NYAP2: variants seen among roughly 807,000 people sequenced by gnomAD.
NYAP2 encodes the protein neuronal tyrosine-phosphorylated phosphoinositide-3-kinase adaptor 2.
In NYAP2, 23 loss-of-function variants were observed where a neutral mutation model predicts 50.4. That is an observed-to-expected ratio of 0.46 (90% CI 0.33 to 0.65). The LOEUF (loss-of-function observed/expected upper bound fraction) is 0.65. Ranked by LOEUF, NYAP2 falls within the 30% of genes least tolerant of loss-of-function variation. The pLI is 0.02. For synonymous variants in NYAP2, 394 were observed against 365.2 expected, an observed-to-expected ratio of 1.08 and a Z score of -0.90; for missense variants, 885 against 861.0, an observed-to-expected ratio of 1.03 and a Z score of -0.35.
chr2:225,398,405 T>C (rs1175276764), upstream of NYAP2, among the ~76,000 whole-genome samples: 3 of 152,052 alleles, frequency 2.0e-5, no homozygotes, highest in East Asian at 5.8e-4. Flanking sequence ...ATAAAGTGTT[T>C]CCGTTTTCTA....
At chr2:225,555,198 G>A (rs1691756086) in intron 4 of NYAP2, among the ~76,000 whole-genome samples, 1 of 152,136 alleles carries the variant, frequency 6.6e-6, no homozygotes, top group South Asian at 2.1e-4. Context: ...TTTGGAAGGA[G>A]GTGTGAGCAG....
At chr2:225,545,363 G>A (rs1278827087) in intron 4 of NYAP2, among the ~76,000 whole-genome samples, 1 of 151,892 alleles carries the variant, frequency 6.6e-6, no homozygotes, top group African/African-American at 2.4e-5. Flanking sequence ...TTATAGGCAT[G>A]CTTCATTGTT....
At chr2:225,641,238 C>T (rs772603467) in intron 6 of NYAP2, among the ~76,000 whole-genome samples, 9 of 151,984 alleles carry the variant, frequency 5.9e-5, no homozygotes, top group African/African-American at 7.3e-5. Context: ...ACAGTGTTCA[C>T]GAAGAATGCC....
intron 3 of NYAP2, among the ~76,000 whole-genome samples, chr2:225,490,689 C>T (rs1210520276): frequency 1.3e-5 from 2 of 152,196 alleles, no homozygotes; most frequent in Non-Finnish European, 2.9e-5. Flanking sequence ...AGGGCTGACT[C>T]AGAGAGGAAC....
intron 4 of NYAP2, among the ~76,000 whole-genome samples, chr2:225,545,585 T>G (rs191994783): frequency 1.6e-4 from 25 of 152,254 alleles, no homozygotes; most frequent in African/African-American, 5.5e-4. Context: ...GTTCTGAATT[T>G]TTTCTCTGTG....
chr2:225,510,450 A>G (rs1031490678), intron 3 of NYAP2, among the ~76,000 whole-genome samples: 1 of 152,204 alleles, frequency 6.6e-6, no homozygotes, highest in Non-Finnish European at 1.5e-5. Flanking sequence ...GTATGATTCA[A>G]TCATTGCCCT....
At chr2:225,659,602 T>C in the NYAP2 span, among the ~76,000 whole-genome samples, 1 of 152,192 alleles carries the variant, frequency 6.6e-6, no homozygotes, top group Non-Finnish European at 1.5e-5. Context: ...CAGAACCTGA[T>C]ATTAACCAGT....
chr2:225,527,137 C>A (rs1371087271), intron 4 of NYAP2, among the ~76,000 whole-genome samples: 1 of 152,150 alleles, frequency 6.6e-6, no homozygotes, highest in Admixed American at 6.5e-5. Context: ...CCAACATCTT[C>A]CTATTAAGTT....
chr2:225,556,369 C>A (rs1170089877), intron 4 of NYAP2, among the ~76,000 whole-genome samples: 1 of 152,168 alleles, frequency 6.6e-6, no homozygotes, highest in Admixed American at 6.6e-5. Context: ...CTATTACCAG[C>A]TGTTGCAAAC....
chr2:225,409,067 G>A (rs1207374088), exon 3 of NYAP2: 1 of 1,608,410 alleles, frequency 6.2e-7, no homozygotes, highest in South Asian at 1.1e-5. Context: ...AGAGAAGAAT[G>A]AAAAACGCCG....
At chr2:225,620,307 T>A (rs1693067414) in intron 5 of NYAP2, among the ~76,000 whole-genome samples, 1 of 152,232 alleles carries the variant, frequency 6.6e-6, no homozygotes. Flanking sequence ...ATTTTGAAGA[T>A]TTTCATATTT....
the NYAP2 span, among the ~76,000 whole-genome samples, chr2:225,676,626 A>G: frequency 1.4e-4 from 22 of 152,244 alleles, no homozygotes; most frequent in East Asian, 4.3e-3. Context: ...TTTAAAAACC[A>G]TAAGATCTTG....
intron 4 of NYAP2, among the ~76,000 whole-genome samples, chr2:225,556,898 A>C (rs1559213647): frequency 6.6e-6 from 1 of 152,200 alleles, no homozygotes; most frequent in Non-Finnish European, 1.5e-5. Context: ...ATAATGGCTA[A>C]TGCATGTCAA....
downstream of NYAP2, among the ~76,000 whole-genome samples, chr2:225,656,774 GTGCTC>G (rs148171055): frequency 0.022 from 3,385 of 152,268 alleles, 138 homozygotes; most frequent in African/African-American, 0.077. Flanking sequence ...TGCAGGGACT[GTGCTC>G]AGTTCAGAGG....
chr2:225,611,966 A>C (rs1270620036), intron 5 of NYAP2, among the ~76,000 whole-genome samples: 4 of 151,258 alleles, frequency 2.6e-5, no homozygotes, highest in Non-Finnish European at 5.9e-5. Context: ...TTTATAAAAA[A>C]TCAATCCAAA....
At chr2:225,552,000 A>G (rs1691686858) in intron 4 of NYAP2, among the ~76,000 whole-genome samples, 1 of 152,074 alleles carries the variant, frequency 6.6e-6, no homozygotes, top group Non-Finnish European at 1.5e-5. Flanking sequence ...TTTAGTAAAG[A>G]CGGGGTTTTA....
chr2:225,521,401 G>T (rs1423692879), intron 4 of NYAP2, among the ~76,000 whole-genome samples: 184 of 150,250 alleles, frequency 1.2e-3, no homozygotes, highest in African/African-American at 4.2e-3. Context: ...TATGATATTG[G>T]CTGTGGGTTT....
In NYAP2 at chr2:225,517,762, A is replaced by T. The variant is rs553022627; in HGVS notation, c.523+4090A>T. ...CACATATATTAAAAACAAAGAGGAA[A>T]AGAAAAGATATGCACACCCACTTTG... On this transcript the variant is annotated intron_variant, in intron 4 of 6. Coordinates refer to ENST00000636099, the Ensembl canonical transcript of NYAP2. 2.6e-5 allele frequency among the ~76,000 whole-genome samples: 4 copies of T among 152,262 alleles called. No homozygotes were observed. In the East Asian group the frequency reaches 7.7e-4, roughly 29 times the overall value.
chr2:225,676,752 A>G, the NYAP2 span, among the ~76,000 whole-genome samples: 1 of 152,120 alleles, frequency 6.6e-6, no homozygotes, highest in African/African-American at 2.4e-5. Flanking sequence ...ACAAGATAAG[A>G]TTTTGTTGGG....
Sources: gnomAD v4.1 joint callset for allele counts (sites outside exome capture counted in the v4.1 genomes callset) on GRCh38, gnomAD v4.1.1 for gene constraint, MANE v1.5 for transcripts, NCBI Gene and HGNC (gene_info 2026-07-23, HGNC 2026-07-21) for gene names.